The following LAMA2 variants were observed in gnomAD, a reference collection of about 807,000 sequenced individuals.
LAMA2 encodes laminin subunit alpha 2, also known as laminin subunit alpha-2.
LAMA2 carries 269 observed loss-of-function variants against 364.8 expected under a neutral mutation model. The ratio of observed to expected loss-of-function variants is 0.74; its 90% CI spans 0.67 to 0.82. The LOEUF (loss-of-function observed/expected upper bound fraction) is 0.82, where lower values mean the gene tolerates loss of function less well. Ranked by LOEUF, LAMA2 falls within the 40% of genes least tolerant of loss-of-function variation. The pLI is 0.00. For synonymous variants in LAMA2, 1,379 were observed against 1,370.6 expected (o/e 1.01, Z -0.14); for missense variants, 3,807 against 3,873.2 (o/e 0.98, Z 0.45).
chr6:128,926,995 T>TA (rs1168030645), intron 1 of LAMA2, among the ~76,000 whole-genome samples: 1 of 152,204 alleles, frequency 6.6e-6, no homozygotes, highest in Non-Finnish European at 1.5e-5. Context: ...GTTTTGGGTA[T>TA]AAACCATCGA....
intron 1 of LAMA2, among the ~76,000 whole-genome samples, chr6:128,943,254 G>A (rs1780271074): frequency 7.2e-6 from 1 of 139,408 alleles, no homozygotes; most frequent in Admixed American, 7.7e-5. Flanking sequence ...GAGAGAGTGT[G>A]TGTGTATATA....
At chr6:128,928,418 T>C (rs1385788610) in intron 1 of LAMA2, among the ~76,000 whole-genome samples, 1 of 152,202 alleles carries the variant, frequency 6.6e-6, no homozygotes, top group Non-Finnish European at 1.5e-5. Flanking sequence ...TACTATATTA[T>C]TTAAACCAAT....
intron 1 of LAMA2, among the ~76,000 whole-genome samples, chr6:128,997,839 G>C (rs577744995): frequency 2.0e-4 from 31 of 152,168 alleles, no homozygotes; most frequent in African/African-American, 7.2e-4. Context: ...GAGAAGTTCA[G>C]ATTTTCCAGT....
chr6:128,921,712 T>TG (rs1778742933), intron 1 of LAMA2, among the ~76,000 whole-genome samples: 1 of 151,014 alleles, frequency 6.6e-6, no homozygotes, highest in African/African-American at 2.4e-5. Flanking sequence ...TTTTTTTTTT[T>TG]TATTATTATT....
chr6:129,094,070 C>T (rs566666793), intron 3 of LAMA2, among the ~76,000 whole-genome samples: 1 of 152,198 alleles, frequency 6.6e-6, no homozygotes, highest in Non-Finnish European at 1.5e-5. Context: ...GCATAGAAAA[C>T]ATTAGAGAGT....
intron 28 of LAMA2, among the ~76,000 whole-genome samples, chr6:129,321,056 C>A (rs1461430779): frequency 2.0e-5 from 3 of 152,150 alleles, no homozygotes. Flanking sequence ...CACTAAATAG[C>A]AGGCTGTTCC....
chr6:129,083,047 G>A (rs1237456816), intron 3 of LAMA2, among the ~76,000 whole-genome samples: 1 of 149,498 alleles, frequency 6.7e-6, no homozygotes, highest in Admixed American at 6.8e-5. Flanking sequence ...ATTAACGTTT[G>A]GATTTATTTC....
intron 6 of LAMA2, 82 bp downstream of exon 6, chr6:129,147,130 C>A: frequency 2.2e-6 from 2 of 909,028 alleles, no homozygotes; most frequent in South Asian, 1.3e-5. Context: ...TGACAGAGAA[C>A]GCTGTAAATG....
chr6:129,385,700 T>C (rs1298638895), intron 35 of LAMA2, among the ~76,000 whole-genome samples: 1 of 152,162 alleles, frequency 6.6e-6, no homozygotes, highest in Non-Finnish European at 1.5e-5. Flanking sequence ...AATAAACTGT[T>C]TTATTCCACG....
intron 42 of LAMA2, among the ~76,000 whole-genome samples, chr6:129,439,072 C>A (rs1781976325): frequency 6.6e-6 from 1 of 151,748 alleles, no homozygotes; most frequent in Non-Finnish European, 1.5e-5. Flanking sequence ...CAGGACCCCC[C>A]CCCACAGATA....
chr6:128,977,876 C>T (rs1470173362), intron 1 of LAMA2, among the ~76,000 whole-genome samples: 1 of 152,144 alleles, frequency 6.6e-6, no homozygotes, highest in Non-Finnish European at 1.5e-5. Context: ...ATGGTTGATT[C>T]ATTCTCTCCC....
At chr6:128,974,870 GAGA>G (rs1273418272) in intron 1 of LAMA2, among the ~76,000 whole-genome samples, 2 of 86,760 alleles carry the variant, frequency 2.3e-5, no homozygotes, top group African/African-American at 1.0e-4. Flanking sequence ...TTTTTTTTTT[GAGA>G]AGGAGTCTCA....
intron 4 of LAMA2, among the ~76,000 whole-genome samples, chr6:129,115,647 A>T (rs964972903): frequency 6.6e-6 from 1 of 152,012 alleles, no homozygotes; most frequent in Non-Finnish European, 1.5e-5. Context: ...AATGGTTGAG[A>T]TCTGTACAGA....
chr6:129,478,653 T>G (rs371964123), intron 53 of LAMA2, 40 bp from the exon 54 acceptor site: 1 of 1,608,564 alleles, frequency 6.2e-7, no homozygotes, highest in African/African-American at 1.3e-5. Context: ...ACCATCACCC[T>G]AATGATATTG....
In LAMA2 at chr6:128,909,983, G is replaced by T. The variant is rs991761049; in HGVS notation, c.112+26626G>T. On this transcript the variant is annotated intron_variant, in intron 1 of 64. Coordinates refer to ENST00000421865, the MANE Select transcript of LAMA2 (RefSeq NM_000426.4). ...ATTGGCCCCCACTCTCTTCTGGCTTGTAGGGTTTCTGCCGAGAGATCTGCT... is the reference window on the plus strand; with the variant it reads ...ATTGGCCCCCACTCTCTTCTGGCTTTTAGGGTTTCTGCCGAGAGATCTGCT... Among the ~76,000 whole-genome samples the T allele has an allele frequency of 2.6e-5, 4 of 151,984 alleles. No homozygotes were observed. The East Asian group carries it at 5.8e-4, about 22-fold the overall frequency.
At chr6:129,024,738 C>T (rs1666785581) in intron 1 of LAMA2, among the ~76,000 whole-genome samples, 1 of 151,904 alleles carries the variant, frequency 6.6e-6, no homozygotes, top group Admixed American at 6.6e-5. Flanking sequence ...AATGGTATAT[C>T]CAAATAGCTA....
intron 37 of LAMA2, among the ~76,000 whole-genome samples, chr6:129,396,374 A>G (rs577839340): frequency 6.6e-6 from 1 of 152,216 alleles, no homozygotes; most frequent in Non-Finnish European, 1.5e-5. Context: ...TAACAGCATC[A>G]TAGCAGAAGT....
intron 1 of LAMA2, among the ~76,000 whole-genome samples, chr6:128,942,616 T>C (rs1005830230): frequency 3.3e-5 from 5 of 152,200 alleles, no homozygotes; most frequent in Admixed American, 3.3e-4. Flanking sequence ...ACAGTGGAGA[T>C]GGCAGTTTTC....
At position 129,375,718 on chromosome 6, in the gene LAMA2, T is replaced by G. The variant is rs191834668; in HGVS notation, c.4959+5728T>G. ...TCACTGTATAACACTTTCTTTGGTC[T>G]TCAATTGCCATGTACAAGCTGTTAA... On this transcript the variant is annotated intron_variant, in intron 34 of 64. Transcript: ENST00000421865. 3.3e-4 allele frequency among the ~76,000 whole-genome samples: 50 copies of G among 152,336 alleles called. 1 individual carries two copies. Among genetic ancestry groups the G allele is most frequent in the Admixed American group, 3.0e-3 (46 of 15,300 alleles).
Sources: gnomAD v4.1 joint callset for allele counts (sites outside exome capture counted in the v4.1 genomes callset) on GRCh38, gnomAD v4.1.1 for gene constraint, MANE v1.5 for transcripts, NCBI Gene and HGNC (gene_info 2026-07-23, HGNC 2026-07-21) for gene names.